Variants in KIZ observed in about 807,000 individuals in gnomAD.
KIZ encodes kizuna centrosomal protein.
In KIZ, 68 loss-of-function variants were observed where a neutral mutation model predicts 79.6. The ratio of observed to expected loss-of-function variants is 0.85; its 90% CI spans 0.70 to 1.05. The LOEUF (loss-of-function observed/expected upper bound fraction) is 1.05, where lower values mean the gene tolerates loss of function less well. Ranked by LOEUF, KIZ falls within the 50% of genes least tolerant of loss-of-function variation. KIZ has a pLI of 0.00. For missense variants in KIZ, 797 were observed against 800.4 expected (o/e 1.00, Z 0.05); for synonymous variants, 280 against 281.8 (o/e 0.99, Z 0.06).
At chr20:21,167,874 T>C (rs928815639) in intron 6 of KIZ, among the ~76,000 whole-genome samples, 2 of 152,198 alleles carry the variant, frequency 1.3e-5, no homozygotes, top group African/African-American at 4.8e-5. Flanking sequence ...TATATATCAA[T>C]GCATAATGAT....
At chr20:21,140,817 A>C (rs2032474935) in intron 3 of KIZ, among the ~76,000 whole-genome samples, 1 of 151,958 alleles carries the variant, frequency 6.6e-6, no homozygotes, top group South Asian at 2.1e-4. Context: ...CATCTGTACA[A>C]AAAATTTAAA....
At chr20:21,223,225 C>T (rs1009027769) in intron 9 of KIZ, among the ~76,000 whole-genome samples, 8 of 152,180 alleles carry the variant, frequency 5.3e-5, no homozygotes, top group Non-Finnish European at 1.2e-4. Context: ...CCACCTCTCA[C>T]GACTGAACAG....
chr20:21,212,713 C>T (rs1465144272), intron 7 of KIZ, among the ~76,000 whole-genome samples: 2 of 152,158 alleles, frequency 1.3e-5, no homozygotes. Context: ...AAAGAGGGCT[C>T]AGTGCAGAAC....
At chr20:21,148,691 C>G (rs1378498112) in intron 4 of KIZ, 1 of 152,136 alleles carries the variant, frequency 6.6e-6, no homozygotes, top group Non-Finnish European at 1.5e-5. Context: ...AATGTATGTC[C>G]TCAAGAAAGA....
chr20:21,229,196 T>C (rs1004368595), intron 10 of KIZ, 81 bp downstream of exon 10: 11 of 773,728 alleles, frequency 1.4e-5, no homozygotes, highest in Non-Finnish European at 2.4e-5. Context: ...TTATTCTTTA[T>C]GAAGGTTTCT....
intron 6 of KIZ, among the ~76,000 whole-genome samples, chr20:21,172,511 A>T (rs2034254645): frequency 6.6e-6 from 1 of 152,050 alleles, no homozygotes; most frequent in Non-Finnish European, 1.5e-5. Flanking sequence ...AGGCAGGAGG[A>T]TCACTTAAAC....
intron 11 of KIZ, among the ~76,000 whole-genome samples, chr20:21,239,256 C>T (rs566842045): frequency 6.6e-6 from 1 of 152,352 alleles, no homozygotes; most frequent in East Asian, 1.9e-4. Context: ...GATTCTGTCT[C>T]AGCTTCTGAA....
At chr20:21,139,680 G>C (rs2032406758) in intron 3 of KIZ, among the ~76,000 whole-genome samples, 1 of 152,000 alleles carries the variant, frequency 6.6e-6, no homozygotes, top group African/African-American at 2.4e-5. Flanking sequence ...ATCATCTTTT[G>C]TAATTTTTTA....
At chr20:21,186,172 A>G (rs1295774580) in intron 6 of KIZ, among the ~76,000 whole-genome samples, 1 of 152,134 alleles carries the variant, frequency 6.6e-6, no homozygotes, top group Non-Finnish European at 1.5e-5. Flanking sequence ...ATATATCAAT[A>G]CTTCATGGCA....
chr20:21,192,247 C>G (rs2035138154), intron 6 of KIZ, among the ~76,000 whole-genome samples: 1 of 151,348 alleles, frequency 6.6e-6, no homozygotes, highest in South Asian at 2.1e-4. Context: ...GACCACCTCT[C>G]CAAATGATAC....
intron 6 of KIZ, among the ~76,000 whole-genome samples, chr20:21,201,560 G>T (rs372442903): frequency 6.6e-6 from 1 of 152,064 alleles, no homozygotes; most frequent in Admixed American, 6.6e-5. Context: ...TAAATTCAGG[G>T]TATTTATTAC....
At chr20:21,166,148 A>ATT (rs34056823) in intron 6 of KIZ, 21,137 of 664,042 alleles carry the variant, frequency 0.032, 83 homozygotes, top group South Asian at 0.064. Flanking sequence ...TGTATTTTGT[A>ATT]TTTTTTTTTT....
rs2031442857 is a variant in KIZ, at chr20:21,126,130, C to G, written c.15C>G (p.Leu5=). MSRT[L]ASAVPLSSPD... is the part of the protein sequence containing the mutation. The stretch of plus-strand genomic sequence containing the variant: ...GCGGCAGCAGCATGAGCCGGACCCT[C>G]GCATCGGCCGTGCCCCTGTCGAGTC... The change falls in exon 1 of 13, where the codon CTC becomes CTG. Residue 5 remains leucine, a synonymous_variant. Coordinates refer to ENST00000619189, the MANE Select transcript of KIZ (RefSeq NM_018474.6). 2.0e-6 allele frequency: 3 copies of G among 1,514,962 alleles called. No homozygotes were observed. The highest frequency in any genetic ancestry group is 2.1e-5 in the Admixed American group (1 of 47,736). 93.8% of individuals were successfully genotyped at this position (1,514,962 alleles called of 1,614,324 possible). A position where few individuals can be genotyped will look rare whatever the true frequency, so the allele number is the denominator to read the frequency against.
chr20:21,136,892 TCTGTGAA>T (rs2063037115), intron 3 of KIZ, among the ~76,000 whole-genome samples: 1 of 152,242 alleles, frequency 6.6e-6, no homozygotes, highest in African/African-American at 2.4e-5. Flanking sequence ...ATCAGCTTTT[TCTGTGAA>T]TTACCATGTG....
chr20:21,211,182 A>T (rs1279784853), intron 7 of KIZ, among the ~76,000 whole-genome samples: 1 of 152,224 alleles, frequency 6.6e-6, no homozygotes, highest in Admixed American at 6.5e-5. Context: ...ATAGAGCAAG[A>T]TTAATATTTA....
chr20:21,206,538 A>G (rs1225568972), intron 7 of KIZ, among the ~76,000 whole-genome samples: 1 of 152,212 alleles, frequency 6.6e-6, no homozygotes, highest in Non-Finnish European at 1.5e-5. Context: ...AACCCAACAC[A>G]TGTTCAGGCA....
At chr20:21,203,433 GT>G (rs2035675209) in intron 6 of KIZ, among the ~76,000 whole-genome samples, 1 of 152,158 alleles carries the variant, frequency 6.6e-6, no homozygotes, top group Non-Finnish European at 1.5e-5. Context: ...AGCACATAAT[GT>G]TTTGTTACCC....
chr20:21,194,856 A>G (rs1302214493), intron 6 of KIZ: 2 of 152,130 alleles, frequency 1.3e-5, no homozygotes, highest in Non-Finnish European at 2.9e-5. Context: ...TACTGTAAAG[A>G]TAAGTGTGTC....
intron 3 of KIZ, among the ~76,000 whole-genome samples, chr20:21,141,675 C>T (rs1432226387): frequency 1.3e-5 from 2 of 152,046 alleles, no homozygotes; most frequent in African/African-American, 4.8e-5. Flanking sequence ...CCATGGCAGG[C>T]ACAAGAGTCT....
Sources: gnomAD v4.1 joint callset for allele counts (sites outside exome capture counted in the v4.1 genomes callset) on GRCh38, gnomAD v4.1.1 for gene constraint, MANE v1.5 for transcripts, NCBI Gene and HGNC (gene_info 2026-07-23, HGNC 2026-07-21) for gene names.